Variants in ARB2A observed in about 807,000 individuals in gnomAD.
The protein encoded by ARB2A is cotranscriptional regulator ARB2A.
the ARB2A span, among the ~76,000 whole-genome samples, chr5:93,696,679 A>T: frequency 6.6e-6 from 1 of 152,154 alleles, no homozygotes; most frequent in Non-Finnish European, 1.5e-5. Flanking sequence ...GTAGTAAGAG[A>T]TAGAAGTGTT....
chr5:93,824,223 A>T, the ARB2A span: 1 of 1,592,926 alleles, frequency 6.3e-7, no homozygotes, highest in Non-Finnish European at 8.6e-7. Flanking sequence ...GAGCTATGAA[A>T]TGATCCCAAA....
chr5:93,755,221 C>T, the ARB2A span, among the ~76,000 whole-genome samples: 1 of 152,062 alleles, frequency 6.6e-6, no homozygotes, highest in Non-Finnish European at 1.5e-5. Context: ...TTTACTGTTG[C>T]CACTTTATAA....
the ARB2A span, among the ~76,000 whole-genome samples, chr5:93,870,181 CACTATGG>C: frequency 6.6e-6 from 1 of 152,194 alleles, no homozygotes; most frequent in East Asian, 1.9e-4. Context: ...CCTGCTGGGT[CACTATGG>C]ACTGACATTA....
the ARB2A span, among the ~76,000 whole-genome samples, chr5:94,059,158 G>A: frequency 1.4e-3 from 212 of 151,420 alleles, 1 homozygote; most frequent in Non-Finnish European, 2.2e-4. Context: ...GACAAACACA[G>A]GAGGGAGACT....
chr5:94,061,326 C>T, the ARB2A span, among the ~76,000 whole-genome samples: 4 of 152,114 alleles, frequency 2.6e-5, no homozygotes, highest in Non-Finnish European at 4.4e-5. Context: ...TGATAAGGAG[C>T]GTTTACCAAA....
chr5:93,740,381 C>T, the ARB2A span: 1 of 575,954 alleles, frequency 1.7e-6, no homozygotes. Flanking sequence ...CACAAAACTG[C>T]AATAAACTTC....
the ARB2A span, among the ~76,000 whole-genome samples, chr5:93,811,686 T>C: frequency 3.9e-5 from 6 of 152,256 alleles, no homozygotes; most frequent in South Asian, 2.1e-4. Context: ...ATGTTTCTCA[T>C]CTGTAAAATG....
the ARB2A span, among the ~76,000 whole-genome samples, chr5:93,714,407 C>A: frequency 6.6e-6 from 1 of 152,168 alleles, no homozygotes; most frequent in Non-Finnish European, 1.5e-5. Context: ...ATATGCTTCC[C>A]AACACTTCAG....
the ARB2A span, among the ~76,000 whole-genome samples, chr5:93,761,832 C>T: frequency 3.3e-4 from 51 of 152,308 alleles, 1 homozygote; most frequent in African/African-American, 1.2e-3. Flanking sequence ...ACACCTCACA[C>T]GGCCAGGTAC....
chr5:93,697,015 T>C, the ARB2A span, among the ~76,000 whole-genome samples: 3 of 145,044 alleles, frequency 2.1e-5, no homozygotes, highest in Non-Finnish European at 4.5e-5. Context: ...TGAGTCGAGA[T>C]TGCACCACTG....
chr5:93,759,006 T>C, the ARB2A span, among the ~76,000 whole-genome samples: 2 of 152,082 alleles, frequency 1.3e-5, no homozygotes, highest in Non-Finnish European at 2.9e-5. Flanking sequence ...ATTGGCAAGA[T>C]TAACCAAGAA....
chr5:93,986,496 G>A, the ARB2A span, among the ~76,000 whole-genome samples: 7 of 152,156 alleles, frequency 4.6e-5, no homozygotes, highest in African/African-American at 4.8e-5. Flanking sequence ...CCCTCTGCCC[G>A]GCTGCCACCC....
the ARB2A span, among the ~76,000 whole-genome samples, chr5:93,867,543 G>A: frequency 6.6e-6 from 1 of 151,812 alleles, no homozygotes; most frequent in East Asian, 1.9e-4. Flanking sequence ...TCAGCCTCCC[G>A]AGTAGCTGGG....
chr5:94,060,403 T>C, the ARB2A span, among the ~76,000 whole-genome samples: 2 of 151,964 alleles, frequency 1.3e-5, no homozygotes, highest in African/African-American at 4.8e-5. Context: ...ACACATAAAT[T>C]ATACAAATTA....
At chr5:93,867,266 A>G in the ARB2A span, among the ~76,000 whole-genome samples, 3 of 152,208 alleles carry the variant, frequency 2.0e-5, no homozygotes, top group South Asian at 2.1e-4. Flanking sequence ...GTGACTGTTT[A>G]TAACTGTCAA....
the ARB2A span, among the ~76,000 whole-genome samples, chr5:93,893,560 A>G: frequency 7.2e-5 from 11 of 152,294 alleles, no homozygotes; most frequent in Admixed American, 4.6e-4. Flanking sequence ...TTCACATGCT[A>G]TTTGCCACTA....
chr5:93,844,970 A>G, the ARB2A span, among the ~76,000 whole-genome samples: 1 of 152,202 alleles, frequency 6.6e-6, no homozygotes, highest in African/African-American at 2.4e-5. Context: ...TGTTTTCACT[A>G]AACTAGGAGG....
At chr5:93,998,317 T>A in the ARB2A span, among the ~76,000 whole-genome samples, 1 of 151,980 alleles carries the variant, frequency 6.6e-6, no homozygotes, top group South Asian at 2.1e-4. Context: ...ATAGAGTTTA[T>A]CTCTATTCGT....
chr5:93,985,588 T>A, the ARB2A span, among the ~76,000 whole-genome samples: 2 of 152,092 alleles, frequency 1.3e-5, no homozygotes, highest in African/African-American at 2.4e-5. Flanking sequence ...CACGCCTGAC[T>A]GGATTTTGTA....
Sources: gnomAD v4.1 joint callset for allele counts (sites outside exome capture counted in the v4.1 genomes callset) on GRCh38, gnomAD v4.1.1 for gene constraint, MANE v1.5 for transcripts, NCBI Gene and HGNC (gene_info 2026-07-23, HGNC 2026-07-21) for gene names.